Variants in LAMA2 observed in about 807,000 individuals in gnomAD.
The protein encoded by LAMA2 is laminin subunit alpha 2, also known as laminin subunit alpha-2.
Under a neutral mutation model 364.8 loss-of-function variants are expected in LAMA2, and 269 were observed. The ratio of observed to expected loss-of-function variants is 0.74; its 90% CI spans 0.67 to 0.82. The LOEUF is 0.82. Ranked by LOEUF, LAMA2 falls within the 40% of genes least tolerant of loss-of-function variation. The pLI is 0.00. For missense variants in LAMA2, 3,807 were observed against 3,873.2 expected (o/e 0.98, Z 0.45); for synonymous variants, 1,379 against 1,370.6 (o/e 1.01, Z -0.14).
chr6:129,300,126 A>C (rs983048056), intron 21 of LAMA2, among the ~76,000 whole-genome samples: 5 of 152,206 alleles, frequency 3.3e-5, no homozygotes, highest in Non-Finnish European at 7.4e-5. Context: ...GATAGCAACA[A>C]AAATGAAAAA....
intron 40 of LAMA2, among the ~76,000 whole-genome samples, chr6:129,413,495 A>T (rs565544546): frequency 6.6e-6 from 1 of 152,242 alleles, no homozygotes; most frequent in African/African-American, 2.4e-5. Flanking sequence ...CGATGAAGTA[A>T]CTCATGAAAC....
chr6:129,257,202 T>C (rs774736423), intron 14 of LAMA2, among the ~76,000 whole-genome samples: 42 of 152,056 alleles, frequency 2.8e-4, no homozygotes, highest in Non-Finnish European at 3.8e-4. Context: ...ATGACCATAC[T>C]GAAGGGGAAA....
chr6:129,471,343 TGC>T (rs1335608503), intron 51 of LAMA2, among the ~76,000 whole-genome samples: 1 of 151,998 alleles, frequency 6.6e-6, no homozygotes, highest in African/African-American at 2.4e-5. Context: ...CCTGTCTCTC[TGC>T]CAGTTACCTT....
intron 4 of LAMA2, among the ~76,000 whole-genome samples, chr6:129,121,045 C>T (rs1776777419): frequency 2.0e-5 from 3 of 152,268 alleles, no homozygotes; most frequent in South Asian, 4.1e-4. Flanking sequence ...TTGCACTGAA[C>T]CGTGGAACCA....
At position 129,478,773 on chromosome 6, in the gene LAMA2, G is replaced by A; in HGVS notation, c.7532G>A (p.Ser2511Asn). The change falls in exon 54 of 65, where the codon AGT becomes AAT. Residue 2511 changes from serine to asparagine, a missense_variant. Physicochemically the swap from Ser to Asn is conservative, Grantham distance 46. Transcript: ENST00000421865. ...ISRTPYNILS[S>N]PDYVGVTKGC... ...AGAACTCCGTACAATATACTCAGTA[G>A]TCCCGATTATGTTGGTGTTACCAAA... is the stretch of plus-strand genomic sequence containing the variant. 1 of 1,612,912 alleles carries A rather than the reference G, an allele frequency of 6.2e-7. No individual in the cohort carries two copies. Among genetic ancestry groups the A allele is most frequent in the South Asian group, 1.1e-5 (1 of 91,070 alleles).
chr6:129,416,672 G>C (rs924473467), intron 40 of LAMA2, among the ~76,000 whole-genome samples: 1 of 152,218 alleles, frequency 6.6e-6, no homozygotes, highest in Non-Finnish European at 1.5e-5. Flanking sequence ...TCTGTGGCCA[G>C]TGGCACCTTT....
intron 4 of LAMA2, among the ~76,000 whole-genome samples, chr6:129,119,629 G>A (rs1232638731): frequency 6.6e-6 from 1 of 152,060 alleles, no homozygotes; most frequent in Non-Finnish European, 1.5e-5. Context: ...CTCACTGCAA[G>A]CTCCGCCTCC....
At chr6:128,983,764 A>G (rs1182335451) in intron 1 of LAMA2, among the ~76,000 whole-genome samples, 2 of 152,218 alleles carry the variant, frequency 1.3e-5, no homozygotes, top group Non-Finnish European at 2.9e-5. Context: ...AGGAAGGAGA[A>G]GATTTGAAGC....
At chr6:129,241,110 G>A (rs1387511592) in intron 12 of LAMA2, among the ~76,000 whole-genome samples, 5 of 152,148 alleles carry the variant, frequency 3.3e-5, no homozygotes, top group Non-Finnish European at 7.3e-5. Flanking sequence ...TTTTAATGAT[G>A]GCAGGGTATC....
At chr6:129,250,058 G>T (rs1415848881) in intron 12 of LAMA2, 54 bp from the exon 13 acceptor site, 11 of 1,051,064 alleles carry the variant, frequency 1.0e-5, no homozygotes, top group Non-Finnish European at 1.6e-5. Flanking sequence ...AGTAAAATAT[G>T]ATTTAATAGC....
At chr6:128,884,536 G>A (rs1248652816) in intron 1 of LAMA2, among the ~76,000 whole-genome samples, 1 of 151,998 alleles carries the variant, frequency 6.6e-6, no homozygotes, top group South Asian at 2.1e-4. Context: ...ATTTTTTAAG[G>A]AGTAAAGAGA....
chr6:129,407,756 G>A (rs761800813), intron 40 of LAMA2, among the ~76,000 whole-genome samples: 1 of 152,212 alleles, frequency 6.6e-6, no homozygotes, highest in Non-Finnish European at 1.5e-5. Flanking sequence ...GCCATTTGTA[G>A]TCCTGTCTGG....
At chr6:129,422,953 A>G (rs1442602394) in intron 40 of LAMA2, among the ~76,000 whole-genome samples, 1 of 152,152 alleles carries the variant, frequency 6.6e-6, no homozygotes, top group Non-Finnish European at 1.5e-5. Flanking sequence ...AAGTTATAAC[A>G]AATCAAATCT....
intron 1 of LAMA2, among the ~76,000 whole-genome samples, chr6:128,893,135 C>T (rs563594456): frequency 1.3e-5 from 2 of 151,838 alleles, no homozygotes; most frequent in Admixed American, 1.3e-4. Context: ...AAAGAGATTA[C>T]CTTAAACATG....
chr6:129,357,981 C>G (rs925212058), intron 32 of LAMA2, among the ~76,000 whole-genome samples: 1 of 151,900 alleles, frequency 6.6e-6, no homozygotes, highest in Admixed American at 6.6e-5. Flanking sequence ...TTGTTGTACC[C>G]CCTAAATGTC....
Position 129,365,789 on chromosome 6 carries a change from A to G in LAMA2, c.4718-430A>G, listed in dbSNP as rs1359802778. ...AAATTACTATGACTTTCTCCAGTGC[A>G]ATCTAATGGAGCACCACACATTTAG... On this transcript the variant is annotated intron_variant, in intron 32 of 64. Coordinates refer to ENST00000421865, the MANE Select transcript of LAMA2 (RefSeq NM_000426.4). Among the ~76,000 whole-genome samples the G allele has an allele frequency of 3.3e-5, 5 of 152,138 alleles. No individual in the cohort carries two copies. The East Asian group carries it at 9.6e-4, about 29-fold the overall frequency.
At chr6:129,434,535 C>T (rs1175769842) in intron 41 of LAMA2, among the ~76,000 whole-genome samples, 1 of 152,082 alleles carries the variant, frequency 6.6e-6, no homozygotes, top group African/African-American at 2.4e-5. Context: ...GAAAATAAAA[C>T]TATGGATTAT....
At chr6:129,074,176 C>T (rs546570548) in intron 3 of LAMA2, among the ~76,000 whole-genome samples, 1 of 152,162 alleles carries the variant, frequency 6.6e-6, no homozygotes, top group Non-Finnish European at 1.5e-5. Context: ...GTTTGTCTTC[C>T]CAACTCTGGG....
intron 1 of LAMA2, among the ~76,000 whole-genome samples, chr6:129,049,166 T>A (rs1021175951): frequency 1.1e-4 from 16 of 152,124 alleles, no homozygotes; most frequent in Admixed American, 6.5e-5. Flanking sequence ...CAATTGACAT[T>A]AACTTACAGG....
Sources: gnomAD v4.1 joint callset for allele counts (sites outside exome capture counted in the v4.1 genomes callset) on GRCh38, gnomAD v4.1.1 for gene constraint, MANE v1.5 for transcripts, NCBI Gene and HGNC (gene_info 2026-07-23, HGNC 2026-07-21) for gene names.